Variants in SLC2A9 observed in about 807,000 individuals in gnomAD.
The protein encoded by SLC2A9 is solute carrier family 2 member 9, also known as solute carrier family 2, facilitated glucose transporter member 9.
A neutral mutation model predicts 50.6 loss-of-function variants in SLC2A9; 39 were observed. The observed-to-expected ratio is 0.77, with a 90% CI of 0.60 to 1.01. The LOEUF is 1.01. SLC2A9 is among the 50% of genes least tolerant of loss of function. The pLI is 0.00. For missense variants in SLC2A9, 686 were observed against 677.6 expected, an observed-to-expected ratio of 1.01 and a Z score of -0.14; for synonymous variants, 324 against 276.9, an observed-to-expected ratio of 1.17 and a Z score of -1.69.
At chr4:9,848,874 T>C (rs1048226870) in intron 10 of SLC2A9, among the ~76,000 whole-genome samples, 2 of 152,028 alleles carry the variant, frequency 1.3e-5, no homozygotes, top group Admixed American at 6.5e-5. Flanking sequence ...CCGGCTAATT[T>C]TGTATTTTTA....
At chr4:9,857,131 C>G (rs1208240836) in intron 10 of SLC2A9, among the ~76,000 whole-genome samples, 1 of 152,106 alleles carries the variant, frequency 6.6e-6, no homozygotes, top group East Asian at 1.9e-4. Flanking sequence ...AAAAAGCGTT[C>G]TCTGTATGGG....
chr4:9,965,596 T>C (rs1031506334), intron 5 of SLC2A9, among the ~76,000 whole-genome samples: 9 of 152,196 alleles, frequency 5.9e-5, no homozygotes, highest in African/African-American at 1.9e-4. Context: ...TTTCTTTATG[T>C]AATAAAACAA....
At chr4:9,817,106 T>C (rs539340938) in intron 3 of SLC2A9, among the ~76,000 whole-genome samples, 14 of 152,198 alleles carry the variant, frequency 9.2e-5, no homozygotes, top group Non-Finnish European at 1.9e-4. Flanking sequence ...ATCACTTCCT[T>C]TCTGACTCTG....
At chr4:9,853,811 C>G (rs952165497) in intron 10 of SLC2A9, among the ~76,000 whole-genome samples, 5 of 151,852 alleles carry the variant, frequency 3.3e-5, no homozygotes, top group African/African-American at 1.2e-4. Context: ...GAACACAGTG[C>G]AATAAAAATA....
intron 3 of SLC2A9, among the ~76,000 whole-genome samples, chr4:9,786,311 G>A (rs2867383): frequency 0.36 from 54,944 of 151,710 alleles, 10,216 homozygotes; most frequent in East Asian, 0.54. Context: ...CAGAGCTCCT[G>A]AGTGGCAGAA....
chr4:10,009,083 T>A (rs531284693), intron 2 of SLC2A9, among the ~76,000 whole-genome samples: 17 of 152,128 alleles, frequency 1.1e-4, no homozygotes, highest in Admixed American at 7.2e-4. Context: ...ATGCACAGGG[T>A]CCTCCTGTAA....
chr4:9,829,793 C>T (rs1725768009), intron 11 of SLC2A9, among the ~76,000 whole-genome samples: 1 of 152,122 alleles, frequency 6.6e-6, no homozygotes, highest in African/African-American at 2.4e-5. Flanking sequence ...TAGAGAAAGG[C>T]AAATCAAAAC....
intron 11 of SLC2A9, among the ~76,000 whole-genome samples, chr4:9,831,603 C>T (rs558599121): frequency 9.9e-5 from 15 of 152,252 alleles, no homozygotes; most frequent in African/African-American, 2.2e-4. Flanking sequence ...CTTGCGCTGC[C>T]GCCCAGAGAA....
At chr4:9,965,574 T>G (rs1402051454) in intron 5 of SLC2A9, among the ~76,000 whole-genome samples, 1 of 152,188 alleles carries the variant, frequency 6.6e-6, no homozygotes, top group Non-Finnish European at 1.5e-5. Context: ...AAGAAGAAAC[T>G]TATGGATGAC....
chr4:10,017,626 T>A (rs914615861), intron 2 of SLC2A9, among the ~76,000 whole-genome samples: 9 of 152,210 alleles, frequency 5.9e-5, no homozygotes, highest in Non-Finnish European at 5.9e-5. Flanking sequence ...CCTTTGAAAC[T>A]CACTGACCCA....
chr4:9,773,074 T>C (rs570638838), intron 1 of SLC2A9, among the ~76,000 whole-genome samples: 6 of 152,296 alleles, frequency 3.9e-5, no homozygotes, highest in Admixed American at 3.3e-4. Flanking sequence ...GAGTGCTGCC[T>C]TTCAAAGGTG....
At chr4:9,907,761 CAG>C (rs972887353) in intron 8 of SLC2A9, among the ~76,000 whole-genome samples, 3 of 152,088 alleles carry the variant, frequency 2.0e-5, no homozygotes, top group Non-Finnish European at 4.4e-5. Context: ...AGGAAGATGA[CAG>C]GGAAGCAAAA....
At chr4:9,995,757 C>T (rs905481685) in intron 3 of SLC2A9, 2 of 152,158 alleles carry the variant, frequency 1.3e-5, no homozygotes, top group Non-Finnish European at 2.9e-5. Flanking sequence ...TGTAACATTC[C>T]CTGCAGGTAG....
intron 5 of SLC2A9, among the ~76,000 whole-genome samples, chr4:9,951,005 A>G (rs1750149335): frequency 6.6e-6 from 1 of 152,188 alleles, no homozygotes; most frequent in African/African-American, 2.4e-5. Context: ...TACTCAAAGG[A>G]AAAGAAATTC....
chr4:9,991,190 C>T (rs1377737111), intron 3 of SLC2A9, among the ~76,000 whole-genome samples: 2 of 152,320 alleles, frequency 1.3e-5, no homozygotes, highest in African/African-American at 4.8e-5. Flanking sequence ...CCTTCCCCTG[C>T]TGCTTTCTGC....
rs574091399 is a variant in SLC2A9 at position 9,780,343 on chromosome 4, T to A, written n.386-278A>T. ...GAGGAGTGGTCCAGCTCCCAGAAGATGAGGAGAGACCAGAGGTGAGGATGG... is the reference window on the plus strand; with the variant it reads ...GAGGAGTGGTCCAGCTCCCAGAAGAAGAGGAGAGACCAGAGGTGAGGATGG... On this transcript the variant is annotated intron_variant and non_coding_transcript_variant, in intron 3 of 3. Transcript: ENST00000503803. 4.6e-5 allele frequency among the ~76,000 whole-genome samples: 7 copies of A among 152,018 alleles called. No homozygotes were observed. The South Asian group carries it at 1.5e-3, about 32-fold the overall frequency.
intron 7 of SLC2A9, among the ~76,000 whole-genome samples, chr4:9,911,040 T>C (rs925833033): frequency 6.6e-6 from 1 of 151,876 alleles, no homozygotes; most frequent in Non-Finnish European, 1.5e-5. Flanking sequence ...AGGAGAAATA[T>C]CCAATGCAGA....
intron 8 of SLC2A9, among the ~76,000 whole-genome samples, chr4:9,898,843 G>C (rs1221850660): frequency 6.6e-6 from 1 of 152,210 alleles, no homozygotes; most frequent in Non-Finnish European, 1.5e-5. Context: ...AAAGGCAAGA[G>C]CTCCCTCTTT....
rs1045918540 is a variant in SLC2A9, at chr4:9,834,896, G to A, written c.1404C>T (p.Leu468=). Residue 468 remains leucine (L), a synonymous_variant, in exon 11 of 12, where the codon CTC becomes CTT. Transcript: ENST00000264784. The part of the protein sequence containing the change: ...NWLSNFAVGL[L]FPFIQKSLDT... ...TCAGTCATACCTGAATGAATGGGAAGAGGAGCCCAACAGCAAAGTTGGAGA... is the reference window on the plus strand; with the variant it reads ...TCAGTCATACCTGAATGAATGGGAAAAGGAGCCCAACAGCAAAGTTGGAGA... 13 of 1,614,050 alleles carry A rather than the reference G, an allele frequency of 8.1e-6. No homozygotes were observed. Among genetic ancestry groups the A allele is most frequent in the African/African-American group, 8.0e-5 (6 of 74,932 alleles).
Sources: gnomAD v4.1 joint callset for allele counts (sites outside exome capture counted in the v4.1 genomes callset) on GRCh38, gnomAD v4.1.1 for gene constraint, MANE v1.5 for transcripts, NCBI Gene and HGNC (gene_info 2026-07-23, HGNC 2026-07-21) for gene names.